The following MAPK10 variants were observed in gnomAD, a reference collection of about 807,000 sequenced individuals.
MAPK10 encodes the protein JNK3 alpha protein kinase.
MAPK10 carries 25 observed loss-of-function variants against 59.3 expected under a neutral mutation model. The observed-to-expected ratio is 0.42, with a 90% CI of 0.31 to 0.59. The LOEUF is 0.59. Ranked by LOEUF, MAPK10 falls within the 20% of genes least tolerant of loss-of-function variation. MAPK10 has a pLI of 0.15. For missense variants in MAPK10, 351 were observed against 568.9 expected (o/e 0.62, Z 3.90); for synonymous variants, 190 against 200.5 (o/e 0.95, Z 0.44).
At chr4:86,145,798 T>C (rs1435292568) in intron 4 of MAPK10, among the ~76,000 whole-genome samples, 2 of 152,180 alleles carry the variant, frequency 1.3e-5, no homozygotes, top group Non-Finnish European at 2.9e-5. Context: ...TCTGTTTTTC[T>C]TTCCACATGC....
At chr4:86,319,898 ATCTC>A (rs1162388270) in intron 2 of MAPK10, among the ~76,000 whole-genome samples, 1 of 152,156 alleles carries the variant, frequency 6.6e-6, no homozygotes, top group Non-Finnish European at 1.5e-5. Context: ...CTCTTCCTCT[ATCTC>A]TCTTTCTACT....
chr4:86,277,640 G>A (rs2094628652), intron 2 of MAPK10, among the ~76,000 whole-genome samples: 1 of 152,096 alleles, frequency 6.6e-6, no homozygotes, highest in African/African-American at 2.4e-5. Context: ...ATATTTGCAA[G>A]CAAAGTTACA....
chr4:86,493,447 C>A (rs1055336575), intron 1 of MAPK10, among the ~76,000 whole-genome samples: 1 of 152,140 alleles, frequency 6.6e-6, no homozygotes, highest in African/African-American at 2.4e-5. Flanking sequence ...AGATCCTTTT[C>A]TTTATTGCAT....
intron 1 of MAPK10, among the ~76,000 whole-genome samples, chr4:86,507,636 A>G (rs1443121960): frequency 4.1e-5 from 3 of 72,428 alleles, no homozygotes; most frequent in South Asian, 4.3e-4. Context: ...ATATATATAT[A>G]TATATATATA....
intron 1 of MAPK10, among the ~76,000 whole-genome samples, chr4:86,551,469 A>T (rs940377841): frequency 1.3e-5 from 2 of 152,214 alleles, no homozygotes; most frequent in African/African-American, 4.8e-5. Context: ...AAGCTGATAA[A>T]GTATACTCTT....
intron 9 of MAPK10, chr4:86,091,503 G>A (rs1580084441): frequency 7.0e-6 from 1 of 143,692 alleles, no homozygotes; most frequent in Non-Finnish European, 1.5e-5. Context: ...TCCTAAAACT[G>A]GCCAATTTTA....
At chr4:86,434,994 C>T (rs1748523971) in intron 1 of MAPK10, among the ~76,000 whole-genome samples, 1 of 152,104 alleles carries the variant, frequency 6.6e-6, no homozygotes, top group African/African-American at 2.4e-5. Context: ...TTTGCAGCAA[C>T]ATGGACGAAA....
chr4:86,249,125 T>C (rs1461008701), intron 2 of MAPK10, among the ~76,000 whole-genome samples: 1 of 152,018 alleles, frequency 6.6e-6, no homozygotes, highest in Non-Finnish European at 1.5e-5. Flanking sequence ...GAGGAGAAAC[T>C]AACGGCTAAA....
At chr4:86,529,169 C>T (rs532815671) in intron 1 of MAPK10, among the ~76,000 whole-genome samples, 9 of 152,198 alleles carry the variant, frequency 5.9e-5, no homozygotes, top group South Asian at 2.1e-4. Context: ...CTATTGTCTC[C>T]GGGCTCGATG....
In MAPK10 at chr4:86,407,310, T is replaced by C. The variant is rs117619281; in HGVS notation, c.-122+45720A>G. 7.4e-4 allele frequency among the ~76,000 whole-genome samples: 113 copies of C among 152,326 alleles called. No homozygotes were observed. The East Asian group carries it at 0.016, about 21-fold the overall frequency. On this transcript the variant is annotated intron_variant, in intron 1 of 13. Transcript: ENST00000361569. Reference sequence around the variant, plus strand: ...GAAGCTAAGGTTCAGGAAGTAAATGTTCCTGAGAAGATGGGCAGAGGAAAT... The same window carrying C: ...GAAGCTAAGGTTCAGGAAGTAAATGCTCCTGAGAAGATGGGCAGAGGAAAT...
chr4:86,134,605 GA>G (rs1164109555), intron 4 of MAPK10, among the ~76,000 whole-genome samples: 2 of 152,112 alleles, frequency 1.3e-5, no homozygotes, highest in African/African-American at 4.8e-5. Flanking sequence ...TTAGGAAAAT[GA>G]AAAAATATTA....
intron 2 of MAPK10, among the ~76,000 whole-genome samples, chr4:86,225,108 C>T (rs916735371): frequency 6.6e-6 from 1 of 152,096 alleles, no homozygotes. Context: ...GTTTTCTGTG[C>T]AGAAAAGAGT....
At chr4:86,092,332 G>A (rs986509017) in intron 9 of MAPK10, among the ~76,000 whole-genome samples, 1 of 151,944 alleles carries the variant, frequency 6.6e-6, no homozygotes, top group African/African-American at 2.4e-5. Context: ...GCTAAGCCTT[G>A]TGCCTAGAAA....
intron 2 of MAPK10, among the ~76,000 whole-genome samples, chr4:86,231,757 A>G (rs1412750845): frequency 1.3e-5 from 2 of 152,220 alleles, no homozygotes; most frequent in African/African-American, 4.8e-5. Context: ...CTTGATCTTT[A>G]ATGTTGCAAA....
chr4:86,075,290 T>C (rs919845098), intron 9 of MAPK10, among the ~76,000 whole-genome samples: 4 of 152,030 alleles, frequency 2.6e-5, no homozygotes, highest in Admixed American at 2.6e-4. Flanking sequence ...TAGTTATACA[T>C]TCTTCTAAAT....
chr4:86,082,241 T>C (rs1369927060), intron 9 of MAPK10: 2 of 152,202 alleles, frequency 1.3e-5, no homozygotes, highest in South Asian at 4.1e-4. Flanking sequence ...CATAAAAATA[T>C]TTGAAAGTAT....
At chr4:86,019,759 C>CT (rs1745396429) in intron 13 of MAPK10, among the ~76,000 whole-genome samples, 1 of 152,192 alleles carries the variant, frequency 6.6e-6, no homozygotes, top group Non-Finnish European at 1.5e-5. Flanking sequence ...ACACAGGACT[C>CT]TATTATAAAG....
chr4:86,162,266 T>C (rs1185069203), intron 3 of MAPK10, among the ~76,000 whole-genome samples: 1 of 151,540 alleles, frequency 6.6e-6, no homozygotes, highest in Non-Finnish European at 1.5e-5. Context: ...AATAAAATAA[T>C]ATATATTCTG....
chr4:86,103,710 C>A (rs2056008025), intron 5 of MAPK10, among the ~76,000 whole-genome samples: 1 of 151,590 alleles, frequency 6.6e-6, no homozygotes, highest in Admixed American at 6.6e-5. Flanking sequence ...TTTACTTCTA[C>A]CTCACACTCA....
Sources: gnomAD v4.1 joint callset for allele counts (sites outside exome capture counted in the v4.1 genomes callset) on GRCh38, gnomAD v4.1.1 for gene constraint, MANE v1.5 for transcripts, NCBI Gene and HGNC (gene_info 2026-07-23, HGNC 2026-07-21) for gene names.